CALN1: variants seen among roughly 807,000 people sequenced by gnomAD.
CALN1 encodes the protein calneuron 1.
A neutral mutation model predicts 30.6 loss-of-function variants in CALN1; 17 were observed. The observed-to-expected ratio is 0.56, with a 90% CI of 0.38 to 0.83. The LOEUF (loss-of-function observed/expected upper bound fraction) is 0.83, where lower values mean the gene tolerates loss of function less well. CALN1 is among the 40% of genes least tolerant of loss of function. The pLI, the probability that CALN1 is intolerant of heterozygous loss-of-function variation, is 0.00. For missense variants in CALN1, 291 were observed against 354.9 expected, an observed-to-expected ratio of 0.82 and a Z score of 1.45; for synonymous variants, 156 against 131.4, an observed-to-expected ratio of 1.19 and a Z score of -1.28.
chr7:72,175,193 C>T (rs1296106096), intron 3 of CALN1, among the ~76,000 whole-genome samples: 1 of 151,952 alleles, frequency 6.6e-6, no homozygotes, highest in East Asian at 1.9e-4. Flanking sequence ...CCTGCCTCAG[C>T]CTCCCGAGTA....
chr7:72,406,796 T>C (rs2129562567), intron 1 of CALN1, among the ~76,000 whole-genome samples: 1 of 152,052 alleles, frequency 6.6e-6, no homozygotes, highest in East Asian at 1.9e-4. Context: ...TTTGTATTTT[T>C]AGTAGAGACG....
At chr7:71,920,648 T>C (rs190256253) in intron 5 of CALN1, among the ~76,000 whole-genome samples, 19 of 152,274 alleles carry the variant, frequency 1.2e-4, no homozygotes, top group African/African-American at 3.4e-4. Flanking sequence ...AAATTAGTTT[T>C]TTTATGGACA....
chr7:72,175,166 C>T (rs866884523), intron 3 of CALN1, among the ~76,000 whole-genome samples: 39 of 152,032 alleles, frequency 2.6e-4, no homozygotes, highest in Middle Eastern at 6.8e-3. Context: ...CTCCGCCTCC[C>T]AGGTTCACGC....
chr7:71,864,136 GA>G (rs1384412500), intron 5 of CALN1, among the ~76,000 whole-genome samples: 3 of 151,910 alleles, frequency 2.0e-5, no homozygotes, highest in Non-Finnish European at 2.9e-5. Context: ...ATTGCAAATA[GA>G]AAAAAAATAT....
chr7:72,281,666 T>G (rs528636224), intron 2 of CALN1, among the ~76,000 whole-genome samples: 1 of 152,340 alleles, frequency 6.6e-6, no homozygotes, highest in East Asian at 1.9e-4. Context: ...CAAGACCCAC[T>G]AAGGTCGGTA....
chr7:72,248,330 G>C (rs1423573592), intron 3 of CALN1, among the ~76,000 whole-genome samples: 1 of 152,058 alleles, frequency 6.6e-6, no homozygotes, highest in Non-Finnish European at 1.5e-5. Flanking sequence ...GGCCCGGCTG[G>C]TCTAGAACTC....
upstream of CALN1, among the ~76,000 whole-genome samples, chr7:72,450,900 A>G (rs1808642930): frequency 6.6e-6 from 1 of 152,128 alleles, no homozygotes; most frequent in Non-Finnish European, 1.5e-5. Flanking sequence ...GAGGATCCTC[A>G]TGTGGGGCAG....
intron 2 of CALN1, among the ~76,000 whole-genome samples, chr7:72,317,876 T>C (rs1045493070): frequency 2.6e-5 from 4 of 151,878 alleles, no homozygotes; most frequent in Admixed American, 1.3e-4. Context: ...GATGAAAAAG[T>C]AAGGACATGA....
chr7:72,460,796 T>C, the CALN1 span, among the ~76,000 whole-genome samples: 1 of 152,128 alleles, frequency 6.6e-6, no homozygotes, highest in African/African-American at 2.4e-5. Flanking sequence ...TGACCTACTG[T>C]GGTCAGCTCT....
chr7:72,307,341 GCA>G (rs1799723024), intron 2 of CALN1, among the ~76,000 whole-genome samples: 1 of 152,184 alleles, frequency 6.6e-6, no homozygotes, highest in Non-Finnish European at 1.5e-5. Context: ...TAAGACTACA[GCA>G]CAGAGGACAA....
At chr7:72,323,572 G>A (rs979685894) in intron 2 of CALN1, among the ~76,000 whole-genome samples, 1 of 151,516 alleles carries the variant, frequency 6.6e-6, no homozygotes, top group Non-Finnish European at 1.5e-5. Context: ...CCAAGGCAGG[G>A]GAATAGCTTG....
intron 6 of CALN1, among the ~76,000 whole-genome samples, chr7:71,804,487 G>A (rs1787488835): frequency 6.6e-6 from 1 of 152,166 alleles, no homozygotes; most frequent in South Asian, 2.1e-4. Context: ...CAGCCTGGGT[G>A]ACACAGCAGG....
intron 5 of CALN1, among the ~76,000 whole-genome samples, chr7:71,928,783 C>T (rs771649031): frequency 6.6e-6 from 1 of 152,012 alleles, no homozygotes; most frequent in African/African-American, 2.4e-5. Flanking sequence ...TATAATATCA[C>T]CATTTTGGGA....
chr7:72,501,928 A>ATAT, the CALN1 span, among the ~76,000 whole-genome samples: 14 of 57,942 alleles, frequency 2.4e-4, 2 homozygotes, highest in South Asian at 1.0e-3. Flanking sequence ...AAAAAAAAAA[A>ATAT]ATATATATAT....
chr7:72,462,595 A>G, the CALN1 span, among the ~76,000 whole-genome samples: 149 of 152,294 alleles, frequency 9.8e-4, no homozygotes, highest in African/African-American at 3.4e-3. Flanking sequence ...TCGCAGTCCA[A>G]ATGGGCTGGG....
At chr7:72,338,354 G>T (rs1802197143) in intron 2 of CALN1, among the ~76,000 whole-genome samples, 1 of 152,136 alleles carries the variant, frequency 6.6e-6, no homozygotes. Flanking sequence ...ACACCAATCA[G>T]AACAAAAGCA....
intron 5 of CALN1, among the ~76,000 whole-genome samples, chr7:71,991,559 C>T (rs979162807): frequency 6.6e-6 from 1 of 151,692 alleles, no homozygotes; most frequent in Non-Finnish European, 1.5e-5. Flanking sequence ...ACCATTCTGA[C>T]CAATCAATCT....
In CALN1 at chr7:72,181,096, A is replaced by AC. The variant is rs199527098; in HGVS notation, c.245-74803dup. On this transcript the variant is annotated intron_variant, in intron 3 of 6. Transcript: ENST00000395275. ...CTGGGCAACAGAGCGAAACTGCATAACCCCCCCCCCCCCCAAAAAAAAAAA... is the reference window on the plus strand; with the variant it reads ...CTGGGCAACAGAGCGAAACTGCATAACCCCCCCCCCCCCCCAAAAAAAAAAA... Among the ~76,000 whole-genome samples the AC allele has an allele frequency of 8.4e-3, 623 of 74,362 alleles. 24 individuals carry two copies. Among genetic ancestry groups the AC allele is most frequent in the South Asian group, 0.014 (24 of 1,732 alleles). 48.8% of individuals were successfully genotyped at this position (74,362 alleles called of 152,430 possible). A position where few individuals can be genotyped will look rare whatever the true frequency, so the allele number is the denominator to read the frequency against.
At chr7:71,921,487 T>C (rs1489702490) in intron 5 of CALN1, among the ~76,000 whole-genome samples, 1 of 152,074 alleles carries the variant, frequency 6.6e-6, no homozygotes, top group Non-Finnish European at 1.5e-5. Context: ...CACAAAAGGA[T>C]TCCCTGAAAT....
Sources: allele counts gnomAD v4.1 joint callset (sites outside exome capture counted in the v4.1 genomes callset), GRCh38; gene constraint gnomAD v4.1.1; transcripts MANE v1.5; gene names NCBI Gene and HGNC (gene_info 2026-07-23, HGNC 2026-07-21).